Variants in DPY19L1 observed in about 807,000 individuals in gnomAD.
DPY19L1 encodes the protein dpy-19 like C-mannosyltransferase 1.
A neutral mutation model predicts 96.9 loss-of-function variants in DPY19L1; 35 were observed. The ratio of observed to expected loss-of-function variants is 0.36; its 90% CI spans 0.28 to 0.48. DPY19L1 has a LOEUF of 0.48. DPY19L1 is among the 20% of genes least tolerant of loss of function. The probability of loss-of-function intolerance (pLI) is 0.99; values close to 1 mark genes in which losing one functional copy is unlikely to be tolerated. For synonymous variants in DPY19L1, 205 were observed against 252.6 expected (o/e 0.81, Z 1.79); for missense variants, 521 against 777.9 (o/e 0.67, Z 3.93).
chr7:34,979,937 A>C (rs903226520), intron 7 of DPY19L1, among the ~76,000 whole-genome samples: 3 of 152,142 alleles, frequency 2.0e-5, no homozygotes, highest in African/African-American at 7.2e-5. Context: ...ATGGAAACAC[A>C]AAGGACCTGG....
At chr7:34,941,017 A>G (rs1388581655) in intron 18 of DPY19L1, among the ~76,000 whole-genome samples, 7 of 152,116 alleles carry the variant, frequency 4.6e-5, no homozygotes, top group East Asian at 3.9e-4. Context: ...TCCACACTCC[A>G]TAACAACACT....
At chr7:34,978,196 G>GT (rs1784868614) in intron 7 of DPY19L1, among the ~76,000 whole-genome samples, 1 of 152,072 alleles carries the variant, frequency 6.6e-6, no homozygotes, top group Non-Finnish European at 1.5e-5. Flanking sequence ...ATTGTGGTTA[G>GT]TATTAGTATC....
intron 10 of DPY19L1, among the ~76,000 whole-genome samples, chr7:34,965,037 T>C (rs1348040837): frequency 2.6e-5 from 4 of 152,188 alleles, no homozygotes; most frequent in Admixed American, 1.3e-4. Context: ...AGCTGCTATA[T>C]ATTGCTGTTG....
intron 6 of DPY19L1, among the ~76,000 whole-genome samples, chr7:35,005,636 T>TA (rs755623073): frequency 0.011 from 943 of 84,440 alleles, 29 homozygotes; most frequent in African/African-American, 0.03. Flanking sequence ...CTGTCTCTAC[T>TA]AAAAAAAAAA....
At chr7:35,030,560 T>A (rs1004153183) in intron 1 of DPY19L1, among the ~76,000 whole-genome samples, 1 of 152,128 alleles carries the variant, frequency 6.6e-6, no homozygotes, top group African/African-American at 2.4e-5. Flanking sequence ...CAAAATGCCA[T>A]CCAAACATTC....
chr7:34,992,598 G>A (rs1208176500), intron 6 of DPY19L1, among the ~76,000 whole-genome samples: 1 of 149,416 alleles, frequency 6.7e-6, no homozygotes, highest in Non-Finnish European at 1.5e-5. Context: ...CCAAGCTAGG[G>A]TAGAGTGGCA....
In DPY19L1 at chr7:34,999,983, G is replaced by C. The variant is rs190178241; in HGVS notation, c.765-10042C>G. ...ACAAAGGGATACACAGGGTGGGGAA[G>C]ACAGATGGGGCAAGGGACCACTGAC... On this transcript the variant is annotated intron_variant, in intron 6 of 21. Coordinates refer to ENST00000638088, the MANE Select transcript of DPY19L1 (RefSeq NM_001366673.1). Among the ~76,000 whole-genome samples the C allele has an allele frequency of 9.2e-5, 14 of 152,330 alleles. No homozygotes were observed. In the East Asian group the frequency reaches 2.7e-3, roughly 29 times the overall value.
chr7:35,009,952 A>G (rs1009578212), intron 6 of DPY19L1, among the ~76,000 whole-genome samples: 5 of 152,160 alleles, frequency 3.3e-5, no homozygotes, highest in Non-Finnish European at 7.3e-5. Context: ...AATTTATGCC[A>G]GGCACTGTGG....
intron 1 of DPY19L1, among the ~76,000 whole-genome samples, chr7:35,025,646 G>A (rs891773649): frequency 6.6e-6 from 1 of 152,102 alleles, no homozygotes; most frequent in Non-Finnish European, 1.5e-5. Context: ...TTATACTGAT[G>A]ATATAGAATA....
rs772945432 is a variant in DPY19L1, at chr7:34,957,959, CAT to C, written c.1179+23_1179+24del. 4 of 1,444,340 alleles carry C rather than the reference CAT, an allele frequency of 2.8e-6. No individual in the cohort carries two copies. In the South Asian group the frequency reaches 3.7e-5, roughly 14 times the overall value. The allele number at this position is 1,444,340 out of a possible 1,614,324, so 89.5% of individuals were successfully genotyped here. A position where few individuals can be genotyped will look rare whatever the true frequency, so the allele number is the denominator to read the frequency against. On this transcript the variant is annotated intron_variant, in intron 11 of 21. Transcript: ENST00000638088. ...TTAAACCATTAGTTTCAAAAACAGC[CAT>C]ATAAGTGTTAAGGAATACTTACCCA...
At chr7:34,999,315 T>TTA (rs1785369358) in intron 6 of DPY19L1, among the ~76,000 whole-genome samples, 2 of 152,148 alleles carry the variant, frequency 1.3e-5, no homozygotes, top group Admixed American at 6.5e-5. Flanking sequence ...GAACAAAGCC[T>TTA]TTAAAAGTCT....
At chr7:34,936,564 A>G (rs1046534606) in intron 21 of DPY19L1, among the ~76,000 whole-genome samples, 2 of 152,218 alleles carry the variant, frequency 1.3e-5, no homozygotes, top group African/African-American at 4.8e-5. Context: ...CCTATCATTC[A>G]TTTCATATAA....
chr7:34,938,293 G>A (rs1038675404), intron 20 of DPY19L1, among the ~76,000 whole-genome samples, 174 bp from the exon 21 acceptor site: 1 of 152,234 alleles, frequency 6.6e-6, no homozygotes, highest in African/African-American at 2.4e-5. Flanking sequence ...GCAGAAGGCA[G>A]GAGGAGGACA....
intron 21 of DPY19L1, 66 bp downstream of exon 21, chr7:34,937,928 G>A: frequency 6.5e-7 from 1 of 1,540,024 alleles, no homozygotes; most frequent in Non-Finnish European, 8.9e-7. Context: ...AGCAAAGCAT[G>A]TGCCATGTGC....
chr7:35,032,583 T>A (rs1451468628), intron 1 of DPY19L1, among the ~76,000 whole-genome samples: 1 of 152,158 alleles, frequency 6.6e-6, no homozygotes, highest in Non-Finnish European at 1.5e-5. Context: ...GATGACTCCC[T>A]GTAGTACATC....
chr7:34,951,075 T>C (rs1266563929), intron 13 of DPY19L1, among the ~76,000 whole-genome samples: 2 of 152,046 alleles, frequency 1.3e-5, no homozygotes, highest in Non-Finnish European at 1.5e-5. Context: ...AAAGAGACAA[T>C]AAATATTATA....
chr7:34,961,335 T>C (rs1421232015), intron 10 of DPY19L1, among the ~76,000 whole-genome samples: 1 of 152,054 alleles, frequency 6.6e-6, no homozygotes, highest in African/African-American at 2.4e-5. Context: ...AGCCCAGAAA[T>C]AGACTCACAT....
intron 10 of DPY19L1, among the ~76,000 whole-genome samples, chr7:34,958,765 T>TGGCAACAC (rs1784430034): frequency 2.6e-5 from 4 of 152,366 alleles, no homozygotes; most frequent in Middle Eastern, 3.4e-3. Context: ...TGTATTATTC[T>TGGCAACAC]TTTAAATATT....
At chr7:34,992,243 G>T (rs1785186185) in intron 6 of DPY19L1, among the ~76,000 whole-genome samples, 1 of 152,040 alleles carries the variant, frequency 6.6e-6, no homozygotes, top group African/African-American at 2.4e-5. Context: ...GTTTTGTTTT[G>T]ACAACATGCA....
Sources: gnomAD v4.1 joint callset for allele counts (sites outside exome capture counted in the v4.1 genomes callset) on GRCh38, gnomAD v4.1.1 for gene constraint, MANE v1.5 for transcripts, NCBI Gene and HGNC (gene_info 2026-07-23, HGNC 2026-07-21) for gene names.